GRAMD2A: variants seen among roughly 807,000 people sequenced by gnomAD.
GRAMD2A encodes the protein GRAM domain containing 2A, also known as GRAM domain-containing protein 2A.
GRAMD2A carries 37 observed loss-of-function variants against 51.1 expected under a neutral mutation model. The observed-to-expected ratio is 0.72, with a 90% confidence interval of 0.56 to 0.95. GRAMD2A has a LOEUF of 0.95. Among genes scored for constraint, GRAMD2A ranks in the 40% least tolerant of loss-of-function variants. The pLI is 0.00. For synonymous variants in GRAMD2A, 136 were observed against 157.1 expected, an observed-to-expected ratio of 0.87 and a Z score of 1.01; for missense variants, 414 against 426.9, an observed-to-expected ratio of 0.97 and a Z score of 0.27.
chr15:72,166,877 C>G lies in GRAMD2A; in HGVS notation c.471+117G>C. On this transcript the variant is annotated intron_variant, in intron 6 of 11. Transcript: ENST00000309731. The surrounding 1 kb of genome is among the most constrained non-coding windows in gnomAD (Gnocchi z 4.1). ...CTTGTTGTACGGCCTGAAATACCTA[C>G]TGGAGAGCTGCAGGGTGGGGTGAAA... The G allele has an allele frequency of 1.1e-6, 1 of 944,474 alleles. No individual in the cohort carries two copies. Among genetic ancestry groups the G allele is most frequent in the African/African-American group, 1.6e-5 (1 of 62,170 alleles). The allele number at this position is 944,474 out of a possible 1,614,324, so 58.5% of individuals were successfully genotyped here. A position where few individuals can be genotyped will look rare whatever the true frequency, so the allele number is the denominator to read the frequency against.
intron 1 of GRAMD2A, among the ~76,000 whole-genome samples, chr15:72,190,299 A>T (rs2081759430): frequency 6.6e-6 from 1 of 152,144 alleles, no homozygotes; most frequent in Non-Finnish European, 1.5e-5. Context: ...GAATGGTGTG[A>T]ACCTGGGAGG....
At chr15:72,192,728 T>C (rs1243014232) in intron 1 of GRAMD2A, among the ~76,000 whole-genome samples, 1 of 152,246 alleles carries the variant, frequency 6.6e-6, no homozygotes, top group Non-Finnish European at 1.5e-5. Flanking sequence ...TGATCTTTAC[T>C]TTAGGTTAAA....
intron 1 of GRAMD2A, among the ~76,000 whole-genome samples, chr15:72,191,400 A>C (rs2081766887): frequency 6.6e-6 from 1 of 152,104 alleles, no homozygotes; most frequent in South Asian, 2.1e-4. Flanking sequence ...ACAGGGTTTC[A>C]CCATGTTGGC....
At chr15:72,167,668 G>T (rs2081562670) in intron 5 of GRAMD2A, 68 bp downstream of exon 5, 1 of 1,189,236 alleles carries the variant, frequency 8.4e-7, no homozygotes, top group African/African-American at 1.5e-5. Context: ...TGACTTTGAG[G>T]CATGCCCGTG....
intron 1 of GRAMD2A, among the ~76,000 whole-genome samples, chr15:72,195,565 G>A (rs1485102161): frequency 1.3e-5 from 2 of 152,168 alleles, no homozygotes; most frequent in Non-Finnish European, 2.9e-5. Context: ...AGCACCCTAG[G>A]TGGATGAATT....
intron 1 of GRAMD2A, 92 bp downstream of exon 1, chr15:72,197,639 G>C (rs935482655): frequency 9.6e-7 from 1 of 1,041,044 alleles, no homozygotes; most frequent in East Asian, 3.8e-5. Context: ...GAGTTGCCGC[G>C]GCCCCAGGAG....
rs2081470166 is a variant in GRAMD2A at position 72,161,100 on chromosome 15, G to T, written c.*909C>A. On this transcript the variant is annotated 3_prime_UTR_variant, in exon 12 of 12. Coordinates refer to ENST00000309731, the MANE Select transcript of GRAMD2A (RefSeq NM_001012642.3). ...TGCCTGAGATGCGGGCAGGCAGGCA[G>T]GGAGTGGACAGCAAGACCTCAGATC... The T allele has an allele frequency of 2.6e-5, 4 of 152,426 alleles. No homozygotes were observed. The allele number at this position is 152,426 out of a possible 1,614,324, so 9.4% of individuals were successfully genotyped here.
intron 1 of GRAMD2A, among the ~76,000 whole-genome samples, chr15:72,178,564 C>CTTT (rs1269653722): frequency 3.6e-5 from 5 of 137,182 alleles, no homozygotes; most frequent in African/African-American, 1.1e-4. Flanking sequence ...CTGTCTTGCA[C>CTTT]TTTCTTTTTT....
chr15:72,184,486 C>T (rs1234320198), intron 1 of GRAMD2A, among the ~76,000 whole-genome samples: 2 of 152,214 alleles, frequency 1.3e-5, no homozygotes, highest in African/African-American at 4.8e-5. Context: ...GGAAAAGGAG[C>T]GCGCGCCCCT....
Position 72,166,847 on chromosome 15 carries a change from T to G in GRAMD2A, c.472-144A>C. 4 of 939,626 alleles carry G rather than the reference T, an allele frequency of 4.3e-6. No individual in the cohort carries two copies. The South Asian group carries it at 5.6e-5, about 13-fold the overall frequency. 58.2% of individuals were successfully genotyped at this position (939,626 alleles called of 1,614,324 possible). On this transcript the variant is annotated intron_variant, in intron 6 of 11. Coordinates refer to ENST00000309731, the MANE Select transcript of GRAMD2A (RefSeq NM_001012642.3). The surrounding 1 kb of genome is among the most constrained non-coding windows in gnomAD (Gnocchi z 4.1). ...AGAAGCTCTGCCTAGGAACTTCTCTTCCAGCTTGTTGTACGGCCTGAAATA... is the reference window on the plus strand; with the variant it reads ...AGAAGCTCTGCCTAGGAACTTCTCTGCCAGCTTGTTGTACGGCCTGAAATA...
At chr15:72,168,623 C>T in intron 3 of GRAMD2A, 57 bp from the exon 4 acceptor site, 1 of 1,452,582 alleles carries the variant, frequency 6.9e-7, no homozygotes, top group Non-Finnish European at 9.7e-7. Flanking sequence ...GCCAAAGGGG[C>T]CCTGCTCCAG....
chr15:72,183,881 G>GCTC (rs977572167), intron 1 of GRAMD2A, among the ~76,000 whole-genome samples: 2 of 152,172 alleles, frequency 1.3e-5, no homozygotes, highest in Non-Finnish European at 2.9e-5. Flanking sequence ...AGTGGGGTCT[G>GCTC]CTCCTCCTCC....
At chr15:72,193,817 C>T (rs895165351) in intron 1 of GRAMD2A, among the ~76,000 whole-genome samples, 13 of 152,214 alleles carry the variant, frequency 8.5e-5, no homozygotes, top group African/African-American at 2.4e-4. Context: ...TGAGCCAACG[C>T]GCCAGGCCGT....
Position 72,163,593 on chromosome 15 carries a change from A to G in GRAMD2A, c.745+20T>C, listed in dbSNP as rs1200613784. 1 of 1,592,920 alleles carries G rather than the reference A, an allele frequency of 6.3e-7. No individual in the cohort carries two copies. Among genetic ancestry groups the G allele is most frequent in the African/African-American group, 1.4e-5 (1 of 73,468 alleles). ...TGGCCTTTGCAAGTAGTTGCCATGG[A>G]CAAGCCCTCCCGAACTTACCAGACA... On this transcript the variant is annotated intron_variant, in intron 9 of 11. Transcript: ENST00000309731.
chr15:72,172,140 A>G (rs899876127), intron 1 of GRAMD2A, among the ~76,000 whole-genome samples: 1 of 148,074 alleles, frequency 6.8e-6, no homozygotes, highest in Non-Finnish European at 1.5e-5. Flanking sequence ...TTTTTTTGAG[A>G]CAGGGTTTCA....
intron 1 of GRAMD2A, among the ~76,000 whole-genome samples, chr15:72,196,860 T>G (rs960878652): frequency 7.9e-5 from 12 of 152,254 alleles, no homozygotes; most frequent in African/African-American, 2.9e-4. Flanking sequence ...TCCACATCCC[T>G]GTGTGTCTCG....
intron 1 of GRAMD2A, among the ~76,000 whole-genome samples, chr15:72,194,885 A>AC: frequency 6.6e-6 from 1 of 152,124 alleles, no homozygotes; most frequent in East Asian, 1.9e-4. Flanking sequence ...ATGGGGTTTT[A>AC]CCATGTTGGC....
chr15:72,179,463 G>A (rs1050377767), intron 1 of GRAMD2A, among the ~76,000 whole-genome samples: 1 of 152,210 alleles, frequency 6.6e-6, no homozygotes, highest in Admixed American at 6.5e-5. Flanking sequence ...ACCTCTGGGT[G>A]CCCCCGGAGA....
chr15:72,183,313 G>A (rs2081710982), intron 1 of GRAMD2A, among the ~76,000 whole-genome samples: 1 of 150,298 alleles, frequency 6.7e-6, no homozygotes, highest in Admixed American at 6.6e-5. Context: ...TCAGGAGATG[G>A]AGACCAGCCT....
Sources: allele counts gnomAD v4.1 joint callset (sites outside exome capture counted in the v4.1 genomes callset), GRCh38; gene constraint gnomAD v4.1.1; non-coding constraint Gnocchi (gnomAD v3.1); transcripts MANE v1.5; gene names NCBI Gene and HGNC (gene_info 2026-07-23, HGNC 2026-07-21).